PTPRT: variants seen among roughly 807,000 people sequenced by gnomAD.
The protein encoded by PTPRT is protein tyrosine phosphatase receptor type T.
Under a neutral mutation model 176.8 loss-of-function variants are expected in PTPRT, and 56 were observed. The ratio of observed to expected loss-of-function variants is 0.32; its 90% CI spans 0.26 to 0.40. The LOEUF is 0.40. Ranked by LOEUF, PTPRT falls within the 10% of genes least tolerant of loss-of-function variation. The pLI is 1.00. For missense variants in PTPRT, 1,540 were observed against 1,908.2 expected (o/e 0.81, Z 3.60); for synonymous variants, 783 against 739.0 (o/e 1.06, Z -0.96).
intron 1 of PTPRT, among the ~76,000 whole-genome samples, chr20:43,159,064 G>A (rs549617667): frequency 6.6e-6 from 1 of 152,216 alleles, no homozygotes; most frequent in Non-Finnish European, 1.5e-5. Flanking sequence ...ACTGGTTAAG[G>A]AGAGGCCAAG....
intron 1 of PTPRT, among the ~76,000 whole-genome samples, chr20:42,914,947 G>A (rs1029754915): frequency 4.0e-5 from 6 of 151,040 alleles, no homozygotes; most frequent in Non-Finnish European, 7.4e-5. Context: ...AAAACATGAC[G>A]CTAGGGTACC....
chr20:42,787,760 T>G (rs1600738569), intron 3 of PTPRT, among the ~76,000 whole-genome samples: 1 of 152,190 alleles, frequency 6.6e-6, no homozygotes, highest in East Asian at 1.9e-4. Flanking sequence ...TAAAAAGTAA[T>G]TTGGTGGTAA....
intron 1 of PTPRT, among the ~76,000 whole-genome samples, chr20:42,896,355 T>C (rs757712769): frequency 2.1e-4 from 32 of 152,092 alleles, no homozygotes; most frequent in Non-Finnish European, 2.9e-4. Flanking sequence ...ATCAAGATGG[T>C]GCCAGGCGCG....
intron 1 of PTPRT, among the ~76,000 whole-genome samples, chr20:42,963,420 A>G (rs969724029): frequency 4.6e-5 from 7 of 151,176 alleles, no homozygotes; most frequent in African/African-American, 1.7e-4. Flanking sequence ...AATAAAAATA[A>G]AAAATAAAAA....
Position 42,393,492 on chromosome 20 carries a change from C to T in PTPRT, c.1561-41207G>A, listed in dbSNP as rs1323449239. 3.3e-5 allele frequency among the ~76,000 whole-genome samples: 5 copies of T among 151,674 alleles called. No individual in the cohort carries two copies. In the South Asian group the frequency reaches 1.0e-3, roughly 31 times the overall value. ...CACCTCAAACATCTGCTTCCCCACT[C>T]AGATTACAGTGTGTGTCAGCCACAT... On this transcript the variant is annotated intron_variant, in intron 9 of 30. Coordinates refer to ENST00000373187, the MANE Select transcript of PTPRT (RefSeq NM_007050.6).
At chr20:42,435,583 A>C (rs2059255588) in intron 9 of PTPRT, among the ~76,000 whole-genome samples, 1 of 152,232 alleles carries the variant, frequency 6.6e-6, no homozygotes, top group African/African-American at 2.4e-5. Context: ...TTCAGACCTA[A>C]GGTAGCAGTT....
At chr20:42,613,152 T>C (rs1035516294) in intron 7 of PTPRT, among the ~76,000 whole-genome samples, 6 of 152,238 alleles carry the variant, frequency 3.9e-5, no homozygotes, top group African/African-American at 1.4e-4. Flanking sequence ...TTCCAAAAAC[T>C]TTAAACTTGG....
At chr20:42,930,374 C>G (rs1413459174) in intron 1 of PTPRT, among the ~76,000 whole-genome samples, 9 of 152,234 alleles carry the variant, frequency 5.9e-5, no homozygotes, top group Non-Finnish European at 1.3e-4. Flanking sequence ...TTCAACAAAA[C>G]TCCACTAAGA....
chr20:42,995,918 C>T (rs1480308590), intron 1 of PTPRT, among the ~76,000 whole-genome samples: 3 of 152,016 alleles, frequency 2.0e-5, no homozygotes, highest in Non-Finnish European at 2.9e-5. Context: ...TGGGCTCAAG[C>T]GATCCTCCTG....
At chr20:42,239,935 G>A (rs1296410792) in intron 14 of PTPRT, among the ~76,000 whole-genome samples, 3 of 152,158 alleles carry the variant, frequency 2.0e-5, no homozygotes, top group African/African-American at 4.8e-5. Flanking sequence ...CAAAGGCTTT[G>A]TGTATCTTTG....
chr20:42,572,783 A>G (rs372320065), intron 7 of PTPRT, among the ~76,000 whole-genome samples: 8 of 152,234 alleles, frequency 5.3e-5, no homozygotes, highest in African/African-American at 1.9e-4. Context: ...AACTGAACAC[A>G]CCTGTGTAAA....
chr20:42,740,092 T>A (rs745977103), intron 6 of PTPRT, among the ~76,000 whole-genome samples: 7 of 152,312 alleles, frequency 4.6e-5, no homozygotes, highest in Middle Eastern at 6.8e-3. Context: ...AATCCTTCCC[T>A]GGGACTGGCC....
At chr20:42,759,068 TGGA>T (rs907679154) in intron 5 of PTPRT, among the ~76,000 whole-genome samples, 1 of 152,128 alleles carries the variant, frequency 6.6e-6, no homozygotes, top group African/African-American at 2.4e-5. Flanking sequence ...TATCCTGATT[TGGA>T]GAAGAGATCA....
chr20:42,911,202 T>A (rs1178151022), intron 1 of PTPRT, among the ~76,000 whole-genome samples: 1 of 152,166 alleles, frequency 6.6e-6, no homozygotes, highest in Non-Finnish European at 1.5e-5. Flanking sequence ...AATATATTTA[T>A]CTTATATGCT....
intron 1 of PTPRT, among the ~76,000 whole-genome samples, chr20:42,889,849 G>T (rs1198679118): frequency 6.6e-6 from 1 of 152,224 alleles, no homozygotes; most frequent in Non-Finnish European, 1.5e-5. Context: ...ACAAATCTAT[G>T]CTGCGATTTT....
At chr20:43,012,029 G>A (rs1259737413) in intron 1 of PTPRT, among the ~76,000 whole-genome samples, 1 of 152,210 alleles carries the variant, frequency 6.6e-6, no homozygotes, top group African/African-American at 2.4e-5. Context: ...CAGACTGAAG[G>A]CTGCACTGTT....
At chr20:43,044,725 G>T (rs1441434198) in intron 1 of PTPRT, among the ~76,000 whole-genome samples, 6 of 152,210 alleles carry the variant, frequency 3.9e-5, no homozygotes, top group Admixed American at 1.3e-4. Flanking sequence ...AAGACGCTCA[G>T]CACAGGGTTC....
chr20:42,267,043 G>A (rs1375453588), intron 13 of PTPRT, among the ~76,000 whole-genome samples: 1 of 152,154 alleles, frequency 6.6e-6, no homozygotes, highest in African/African-American at 2.4e-5. Flanking sequence ...TATACCAGAT[G>A]ATTGTGAACC....
chr20:42,325,925 C>T (rs909841292), intron 11 of PTPRT, among the ~76,000 whole-genome samples: 1 of 152,192 alleles, frequency 6.6e-6, no homozygotes, highest in African/African-American at 2.4e-5. Flanking sequence ...GGCCCTTGCT[C>T]TCGCTATCCC....
Sources: allele counts gnomAD v4.1 joint callset (sites outside exome capture counted in the v4.1 genomes callset), GRCh38; gene constraint gnomAD v4.1.1; transcripts MANE v1.5; gene names NCBI Gene and HGNC (gene_info 2026-07-23, HGNC 2026-07-21).